The following IL1RAPL1 variants were observed in gnomAD, a reference collection of about 807,000 sequenced individuals.
The protein encoded by IL1RAPL1 is interleukin-1 receptor accessory protein-like 1.
A neutral mutation model predicts 48.4 loss-of-function variants in IL1RAPL1; 3 were observed. The ratio of observed to expected loss-of-function variants is 0.06; its 90% CI spans 0.03 to 0.16. The LOEUF (loss-of-function observed/expected upper bound fraction) is 0.16, where lower values mean the gene tolerates loss of function less well. Among genes scored for constraint, IL1RAPL1 ranks in the 10% least tolerant of loss-of-function variants. IL1RAPL1 has a pLI of 1.00. For missense variants in IL1RAPL1, 349 were observed against 530.6 expected, an observed-to-expected ratio of 0.66 and a Z score of 3.36; for synonymous variants, 185 against 187.7, an observed-to-expected ratio of 0.99 and a Z score of 0.12.
chrX:29,177,583 G>C (rs953895765), intron 2 of IL1RAPL1, among the ~76,000 whole-genome samples: 13 of 111,979 alleles, frequency 1.2e-4, no homozygotes, highest in Non-Finnish European at 2.4e-4. Context: ...TTAAGGTACT[G>C]TATTGTTTAA....
At chrX:29,020,586 A>G (rs895002306) in intron 2 of IL1RAPL1, among the ~76,000 whole-genome samples, 3 of 111,712 alleles carry the variant, frequency 2.7e-5, no homozygotes, top group African/African-American at 9.8e-5. Flanking sequence ...GCATATCCTC[A>G]TCGTTCAGTG....
intron 1 of IL1RAPL1, among the ~76,000 whole-genome samples, chrX:28,719,907 C>T (rs771476720): frequency 9.0e-6 from 1 of 110,774 alleles, no homozygotes; most frequent in East Asian, 2.8e-4. Context: ...TCAAGAATAG[C>T]ATAACATTAG....
chrX:29,196,977 C>T (rs1238399495), intron 2 of IL1RAPL1, among the ~76,000 whole-genome samples: 1 of 110,242 alleles, frequency 9.1e-6, no homozygotes, highest in African/African-American at 3.3e-5. Flanking sequence ...CGATGCCAGT[C>T]CTGCTCAAAC....
intron 2 of IL1RAPL1, among the ~76,000 whole-genome samples, chrX:29,051,337 C>T (rs946257571): frequency 8.9e-6 from 1 of 112,073 alleles, no homozygotes; most frequent in African/African-American, 3.2e-5. Flanking sequence ...TCCAATCCCA[C>T]ACAGGTTGAG....
At chrX:29,639,385 G>A (rs1011108265) in intron 5 of IL1RAPL1, among the ~76,000 whole-genome samples, 16 of 110,364 alleles carry the variant, frequency 1.4e-4, no homozygotes, top group Non-Finnish European at 3.0e-4. Context: ...TCCAGTGATG[G>A]CTGGAATCTA....
chrX:29,796,155 A>C (rs1929737742), intron 6 of IL1RAPL1, among the ~76,000 whole-genome samples: 1 of 112,187 alleles, frequency 8.9e-6, no homozygotes, highest in Non-Finnish European at 1.9e-5. Context: ...TCAGCTATGT[A>C]TGAAGGCTTT....
chrX:29,011,729 C>T (rs1363558748), intron 2 of IL1RAPL1, among the ~76,000 whole-genome samples: 2 of 112,189 alleles, frequency 1.8e-5, no homozygotes, highest in African/African-American at 6.5e-5. Context: ...TATACATAAG[C>T]TAAAACTTAT....
intron 2 of IL1RAPL1, among the ~76,000 whole-genome samples, chrX:29,222,699 A>G (rs1931005766): frequency 8.9e-6 from 1 of 111,786 alleles, no homozygotes; most frequent in South Asian, 3.8e-4. Flanking sequence ...CTGAAATCTG[A>G]TGCTGTGATA....
intron 3 of IL1RAPL1, among the ~76,000 whole-genome samples, chrX:29,363,100 G>A (rs762773810): frequency 2.6e-4 from 29 of 111,686 alleles, no homozygotes; most frequent in Non-Finnish European, 4.5e-4. Flanking sequence ...CTTAACCACC[G>A]TGCTGTGAGT....
At chrX:28,719,456 G>A (rs1056336285) in intron 1 of IL1RAPL1, among the ~76,000 whole-genome samples, 1 of 110,718 alleles carries the variant, frequency 9.0e-6, no homozygotes, top group Non-Finnish European at 1.9e-5. Context: ...TGTCTAGTTG[G>A]AGAACTAAAG....
chrX:28,884,470 G>C (rs1260981288), intron 2 of IL1RAPL1, among the ~76,000 whole-genome samples: 1 of 111,573 alleles, frequency 9.0e-6, no homozygotes, highest in Non-Finnish European at 1.9e-5. Flanking sequence ...GTGAAGCTAA[G>C]TTTATTGCTT....
chrX:28,963,849 C>G (rs1273826258), intron 2 of IL1RAPL1, among the ~76,000 whole-genome samples: 2 of 111,039 alleles, frequency 1.8e-5, no homozygotes, highest in Non-Finnish European at 3.8e-5. Flanking sequence ...ACAATATACC[C>G]TATTTCACCT....
intron 2 of IL1RAPL1, among the ~76,000 whole-genome samples, chrX:29,082,723 A>G (rs995486502): frequency 8.9e-6 from 1 of 111,761 alleles, no homozygotes; most frequent in African/African-American, 3.3e-5. Flanking sequence ...TGCACATGAA[A>G]TCATGTTCTG....
intron 2 of IL1RAPL1, among the ~76,000 whole-genome samples, chrX:28,972,334 G>A (rs774919138): frequency 1.1e-4 from 12 of 112,259 alleles, no homozygotes; most frequent in Admixed American, 4.7e-4. Context: ...GAGCTTTGAA[G>A]ATAGGGTATT....
chrX:28,731,704 G>A (rs1433412225), intron 1 of IL1RAPL1, among the ~76,000 whole-genome samples: 2 of 111,419 alleles, frequency 1.8e-5, no homozygotes, highest in Non-Finnish European at 3.8e-5. Flanking sequence ...AGAATACTAC[G>A]GAGTCTTTGT....
At chrX:29,565,852 TAAATA>T (rs1341567421) in intron 5 of IL1RAPL1, among the ~76,000 whole-genome samples, 1 of 111,796 alleles carries the variant, frequency 8.9e-6, no homozygotes. Flanking sequence ...ATGGAGTAAA[TAAATA>T]AAATGTGGTA....
intron 2 of IL1RAPL1, among the ~76,000 whole-genome samples, chrX:29,042,180 T>C (rs1602025794): frequency 1.8e-5 from 2 of 112,070 alleles, no homozygotes; most frequent in African/African-American, 6.5e-5. Flanking sequence ...TATTTAGATA[T>C]TCCAGATTGT....
chrX:29,801,796 C>T (rs1569172315), intron 6 of IL1RAPL1, among the ~76,000 whole-genome samples: 1 of 111,224 alleles, frequency 9.0e-6, no homozygotes, highest in Non-Finnish European at 1.9e-5. Context: ...TGGTGGTGTT[C>T]CTCAAAGGTT....
At chrX:29,850,845 C>G (rs1314765142) in intron 6 of IL1RAPL1, among the ~76,000 whole-genome samples, 1 of 112,238 alleles carries the variant, frequency 8.9e-6, no homozygotes, top group Non-Finnish European at 1.9e-5. Context: ...ATTAGTTGTT[C>G]CCACAATAAC....
Sources: gnomAD v4.1 joint callset for allele counts (sites outside exome capture counted in the v4.1 genomes callset) on GRCh38, gnomAD v4.1.1 for gene constraint, MANE v1.5 for transcripts, NCBI Gene and HGNC (gene_info 2026-07-23, HGNC 2026-07-21) for gene names.